Variants in TBC1D12 observed in about 807,000 individuals in gnomAD.
The protein encoded by TBC1D12 is TBC1 domain family, member 12.
TBC1D12 carries 56 observed loss-of-function variants against 86.7 expected under a neutral mutation model. The ratio of observed to expected loss-of-function variants is 0.65; its 90% CI spans 0.52 to 0.81. TBC1D12 has a LOEUF of 0.81. Ranked by LOEUF, TBC1D12 falls within the 30% of genes least tolerant of loss-of-function variation. TBC1D12 has a pLI of 0.00. For missense variants in TBC1D12, 1,023 were observed against 1,038.8 expected, an observed-to-expected ratio of 0.98 and a Z score of 0.21; for synonymous variants, 421 against 411.7, an observed-to-expected ratio of 1.02 and a Z score of -0.27.
At chr10:94,415,145 A>G (rs1564935935) in intron 1 of TBC1D12, among the ~76,000 whole-genome samples, 1 of 152,226 alleles carries the variant, frequency 6.6e-6, no homozygotes. Flanking sequence ...TTCATGGTTC[A>G]TTACCAGGAA....
intron 1 of TBC1D12, among the ~76,000 whole-genome samples, chr10:94,410,643 TAATG>T (rs1188979447): frequency 1.3e-5 from 2 of 152,200 alleles, no homozygotes; most frequent in African/African-American, 4.8e-5. Context: ...GATAGCTAAT[TAATG>T]TAAGAATTAC....
intron 1 of TBC1D12, among the ~76,000 whole-genome samples, chr10:94,411,379 G>A (rs1040605601): frequency 6.6e-6 from 1 of 152,136 alleles, no homozygotes; most frequent in African/African-American, 2.4e-5. Flanking sequence ...TGCCACTGTA[G>A]CACTTTGATG....
intron 2 of TBC1D12, among the ~76,000 whole-genome samples, chr10:94,459,354 T>C (rs576470917): frequency 1.5e-4 from 23 of 152,314 alleles, no homozygotes; most frequent in Non-Finnish European, 3.1e-4. Context: ...AGGGTGCTGA[T>C]TGGTGCATTT....
chr10:94,461,936 C>T (rs2055735724), intron 2 of TBC1D12, among the ~76,000 whole-genome samples: 1 of 152,160 alleles, frequency 6.6e-6, no homozygotes, highest in Non-Finnish European at 1.5e-5. Flanking sequence ...AAGATCCTCC[C>T]ACCTTGACCC....
rs1366249272 is a variant in TBC1D12 at position 94,511,458 on chromosome 10, TA to T, written c.1690-124del. 7.2e-6 allele frequency: 5 copies of T among 690,544 alleles called. No individual in the cohort carries two copies. In the East Asian group the frequency reaches 1.4e-4, roughly 19 times the overall value. The allele number at this position is 690,544 out of a possible 1,614,324, so 42.8% of individuals were successfully genotyped here. ...ACATCTTGGCAGAGTACATTTATAA[TA>T]TTTTTTATTAAATATGCTAAAACTA... On this transcript the variant is annotated intron_variant, in intron 8 of 12. Transcript: ENST00000225235.
chr10:94,421,703 A>G (rs919042281), intron 1 of TBC1D12, among the ~76,000 whole-genome samples: 5 of 152,132 alleles, frequency 3.3e-5, no homozygotes, highest in Middle Eastern at 3.2e-3. Context: ...TTCTTTCAGA[A>G]AAAAAAATTA....
chr10:94,478,145 A>G (rs905755645), intron 3 of TBC1D12, among the ~76,000 whole-genome samples: 4 of 152,122 alleles, frequency 2.6e-5, no homozygotes, highest in Admixed American at 6.6e-5. Context: ...GTGGTGGCAC[A>G]TACCTGTAGT....
intron 4 of TBC1D12, among the ~76,000 whole-genome samples, chr10:94,494,060 C>G (rs1383623446): frequency 1.3e-5 from 2 of 151,716 alleles, no homozygotes; most frequent in African/African-American, 4.8e-5. Flanking sequence ...ATTTGAAACT[C>G]AAAATTTTTT....
intron 1 of TBC1D12, among the ~76,000 whole-genome samples, chr10:94,435,819 G>A (rs2055286487): frequency 6.6e-6 from 1 of 152,190 alleles, no homozygotes; most frequent in African/African-American, 2.4e-5. Flanking sequence ...TGCCTTTCGT[G>A]TATAACTGTT....
At chr10:94,411,718 G>A (rs1172120506) in intron 1 of TBC1D12, among the ~76,000 whole-genome samples, 2 of 152,120 alleles carry the variant, frequency 1.3e-5, no homozygotes, top group Non-Finnish European at 2.9e-5. Flanking sequence ...GCCTGCATTC[G>A]GAGCCCAAGG....
chr10:94,463,602 C>A (rs2055763015), intron 2 of TBC1D12, among the ~76,000 whole-genome samples: 1 of 152,302 alleles, frequency 6.6e-6, no homozygotes, highest in Admixed American at 6.5e-5. Flanking sequence ...AATTTCAACA[C>A]CAGTTTTGGA....
intron 2 of TBC1D12, among the ~76,000 whole-genome samples, chr10:94,464,592 A>G (rs1337355167): frequency 6.6e-6 from 1 of 152,182 alleles, no homozygotes; most frequent in Non-Finnish European, 1.5e-5. Flanking sequence ...CAGCTTCCAG[A>G]GTAGCTAGGA....
chr10:94,403,605 G>A, intron 1 of TBC1D12, 21 bp downstream of exon 1: 1 of 1,435,638 alleles, frequency 7.0e-7, no homozygotes. Context: ...GGCTGCATGG[G>A]ACTCGGGGCG....
Position 94,403,354 on chromosome 10 carries a change from GC to G in TBC1D12, c.746del (p.Pro249LeufsTer31). 6.6e-7 allele frequency: 1 copy of G among 1,525,022 alleles called. No homozygotes were observed. Among genetic ancestry groups the G allele is most frequent in the Non-Finnish European group, 8.8e-7 (1 of 1,136,986 alleles). 94.5% of individuals were successfully genotyped at this position (1,525,022 alleles called of 1,614,324 possible). Reference protein sequence around the residue: ...VGAGGPEEGAPPATSAERTNG... With the variant: ...VGAGGPEEGAXPATSAERTNG... ...GCGCCGGGGGTCCCGAGGAGGGCGCGCCCCCTGCCACCTCGGCCGAGAGGAC... is the reference window on the plus strand; with the variant it reads ...GCGCCGGGGGTCCCGAGGAGGGCGCGCCCCTGCCACCTCGGCCGAGAGGAC... On this transcript the variant is annotated frameshift_variant, in exon 1 of 13. Coordinates refer to ENST00000225235, the MANE Select transcript of TBC1D12 (RefSeq NM_015188.2). LOFTEE classifies it high-confidence loss of function.
At chr10:94,458,734 G>A (rs2055669540) in intron 2 of TBC1D12, among the ~76,000 whole-genome samples, 1 of 152,124 alleles carries the variant, frequency 6.6e-6, no homozygotes, top group South Asian at 2.1e-4. Flanking sequence ...CATGGTGAGT[G>A]TTATAGCTCT....
At chr10:94,514,050 C>CAA (rs34400993) in intron 9 of TBC1D12, among the ~76,000 whole-genome samples, 6 of 133,824 alleles carry the variant, frequency 4.5e-5, no homozygotes, top group South Asian at 2.3e-4. Context: ...AAAAAAAAAA[C>CAA]AAAAAAAAAA....
chr10:94,418,575 A>C (rs2055030710), intron 1 of TBC1D12, among the ~76,000 whole-genome samples: 1 of 150,818 alleles, frequency 6.6e-6, no homozygotes, highest in South Asian at 2.1e-4. Flanking sequence ...TATTATTATT[A>C]TTATTATATT....
chr10:94,512,563 A>G (rs555889972), intron 9 of TBC1D12, among the ~76,000 whole-genome samples: 3 of 152,332 alleles, frequency 2.0e-5, no homozygotes, highest in South Asian at 2.1e-4. Context: ...AAATACCTCA[A>G]TGAACAAAAT....
intron 2 of TBC1D12, among the ~76,000 whole-genome samples, chr10:94,456,541 T>A (rs2055629115): frequency 6.6e-6 from 1 of 152,230 alleles, no homozygotes; most frequent in Non-Finnish European, 1.5e-5. Context: ...AGACATTTTA[T>A]GATTTCTGTT....
Sources: allele counts gnomAD v4.1 joint callset (sites outside exome capture counted in the v4.1 genomes callset), GRCh38; gene constraint gnomAD v4.1.1; transcripts MANE v1.5; gene names NCBI Gene and HGNC (gene_info 2026-07-23, HGNC 2026-07-21).